ADPRHL1: variants seen among roughly 807,000 people sequenced by gnomAD.
ADPRHL1 encodes the protein ADP-ribosylhydrolase like 1, also known as inactive ADP-ribosyltransferase ARH2.
Under a neutral mutation model 44.1 loss-of-function variants are expected in ADPRHL1, and 43 were observed. That is an observed-to-expected ratio of 0.98 (90% CI 0.76 to 1.26). The LOEUF is 1.26. ADPRHL1 is among the 50% of genes most tolerant of loss of function. The probability of loss-of-function intolerance (pLI) is 0.00; values close to 1 mark genes in which losing one functional copy is unlikely to be tolerated. For missense variants in ADPRHL1, 2,022 were observed against 2,496.9 expected (o/e 0.81, Z 4.05); for synonymous variants, 878 against 1,017.4 (o/e 0.86, Z 2.61).
chr13:113,411,891 C>T (rs1241578926), intron 7 of ADPRHL1, among the ~76,000 whole-genome samples: 1 of 152,220 alleles, frequency 6.6e-6, no homozygotes, highest in Non-Finnish European at 1.5e-5. Context: ...CTCCCCTGCT[C>T]CCTGCTGTCC....
intron 7 of ADPRHL1, 148 bp downstream of exon 7, chr13:113,422,678 T>C (rs2043933935): frequency 5.2e-6 from 5 of 969,416 alleles, no homozygotes; most frequent in Non-Finnish European, 7.6e-6. Context: ...GATTCTGAAA[T>C]TGGAAACAGA....
chr13:113,438,003 G>A (rs1388326549), intron 2 of ADPRHL1, among the ~76,000 whole-genome samples: 1 of 152,114 alleles, frequency 6.6e-6, no homozygotes, highest in East Asian at 1.9e-4. Context: ...GCTAGTTTTT[G>A]TATTTTTAGC....
At chr13:113,438,775 C>G (rs370861744) in intron 2 of ADPRHL1, among the ~76,000 whole-genome samples, 16 of 152,154 alleles carry the variant, frequency 1.1e-4, no homozygotes, top group African/African-American at 3.9e-4. Context: ...CCTCCTGGCT[C>G]AGTCTTCCAA....
In ADPRHL1 at chr13:113,453,155, T is replaced by C; in HGVS notation, c.214+69A>G. On this transcript the variant is annotated intron_variant, in intron 1 of 7. Coordinates refer to ENST00000612156, the MANE Select transcript of ADPRHL1 (RefSeq NM_001394807.1). This position sits in a 1 kb window ranked among gnomAD's most constrained non-coding sequence, Gnocchi z 5.4. The stretch of plus-strand genomic sequence containing the variant: ...ACTGCCTTCAAAGCTCTCGGAGGCT[T>C]ACTGGGAGAACTCGAGCAGCCAGTG... 6.4e-7 allele frequency: 1 copy of C among 1,561,580 alleles called. No homozygotes were observed. Among genetic ancestry groups the C allele is most frequent in the Non-Finnish European group, 8.8e-7 (1 of 1,136,530 alleles).
At chr13:113,423,837 C>A (rs1218711842) in intron 6 of ADPRHL1, among the ~76,000 whole-genome samples, 1 of 152,258 alleles carries the variant, frequency 6.6e-6, no homozygotes, top group African/African-American at 2.4e-5. Flanking sequence ...TGGAATGGAA[C>A]CCTGTGAAGG....
chr13:113,449,635 C>T (rs1395844629), intron 1 of ADPRHL1, among the ~76,000 whole-genome samples: 1 of 152,264 alleles, frequency 6.6e-6, no homozygotes, highest in Non-Finnish European at 1.5e-5. Flanking sequence ...CCCCGACCCT[C>T]AGACCTGTGC....
At position 113,409,488 on chromosome 13, in the gene ADPRHL1, C is replaced by T. The variant is rs993743124; in HGVS notation, c.1062-1268G>A. ...GCATCCTCGATGTCCAACTCCAGGG[C>T]GGCCGCACAATGGCACGTCCACATT... On this transcript the variant is annotated intron_variant, in intron 7 of 7. Coordinates refer to ENST00000612156, the MANE Select transcript of ADPRHL1 (RefSeq NM_001394807.1). This position sits in a 1 kb window ranked among gnomAD's most constrained non-coding sequence, Gnocchi z 4.2. 3 of 985,296 alleles carry T rather than the reference C, an allele frequency of 3.0e-6. No homozygotes were observed. The highest frequency in any genetic ancestry group is 1.7e-5 in the African/African-American group (1 of 57,230). 61.0% of individuals were successfully genotyped at this position (985,296 alleles called of 1,614,324 possible).
chr13:113,442,047 C>T (rs1395704304), intron 2 of ADPRHL1, among the ~76,000 whole-genome samples: 2 of 152,274 alleles, frequency 1.3e-5, no homozygotes, highest in Admixed American at 1.3e-4. Flanking sequence ...GTCTGAGTGA[C>T]TTCCATTAGC....
Position 113,400,248 on chromosome 13 carries a change from C to T in ADPRHL1, c.*3130G>A, listed in dbSNP as rs2043748589. 1 of 149,340 alleles carries T rather than the reference C, an allele frequency of 6.7e-6. No individual in the cohort carries two copies. Among genetic ancestry groups the T allele is most frequent in the South Asian group, 2.1e-4 (1 of 4,688 alleles). The allele number at this position is 149,340 out of a possible 1,614,324, so 9.3% of individuals were successfully genotyped here. The stretch of plus-strand genomic sequence containing the variant: ...GCAAGCTCCACCTCCCGGGTTCACG[C>T]CATTCTCCTGTCTCAGGCTCCCGAG... On this transcript the variant is annotated 3_prime_UTR_variant, in exon 8 of 8. Coordinates refer to ENST00000612156, the MANE Select transcript of ADPRHL1 (RefSeq NM_001394807.1).
At chr13:113,425,202 G>C (rs777331226) in intron 4 of ADPRHL1, 23 bp from the exon 5 acceptor site, 6 of 1,413,894 alleles carry the variant, frequency 4.2e-6, no homozygotes, top group South Asian at 2.3e-5. Context: ...AACAAGGGGA[G>C]CTGAACACAA....
chr13:113,412,786 TCGGTTCACCCACCGCCAACAGCACCC>T (rs2043863686), intron 7 of ADPRHL1, among the ~76,000 whole-genome samples: 2 of 95,422 alleles, frequency 2.1e-5, no homozygotes, highest in African/African-American at 7.9e-5. Context: ...CCCGCAGAAC[TCGGTTCACCCACCGCCAACAGCACCC>T]CGCAGAACTC....
At position 113,424,096 on chromosome 13, in the gene ADPRHL1, G is replaced by A. The variant is rs567957103; in HGVS notation, c.907+121C>T. ...GGGTTCCAGAAAGGAAGAGATGGAC[G>A]CACATGCTGGAGCTCAGGAGGTGGC... On this transcript the variant is annotated intron_variant, in intron 6 of 7. Coordinates refer to ENST00000612156, the MANE Select transcript of ADPRHL1 (RefSeq NM_001394807.1). 3.2e-5 allele frequency: 43 copies of A among 1,339,302 alleles called. No individual in the cohort carries two copies. The African/African-American group carries it at 3.8e-4, about 12-fold the overall frequency. The allele number at this position is 1,339,302 out of a possible 1,614,324, so 83.0% of individuals were successfully genotyped here.
intron 7 of ADPRHL1, 127 bp from the exon 8 acceptor site, chr13:113,408,347 G>T: frequency 1.0e-6 from 1 of 990,162 alleles, no homozygotes; most frequent in Non-Finnish European, 1.3e-6. Context: ...GAGAAAAAGA[G>T]ATTAGGAGCC....
At chr13:113,415,644 A>C (rs188394524) in intron 7 of ADPRHL1, among the ~76,000 whole-genome samples, 45 of 151,536 alleles carry the variant, frequency 3.0e-4, no homozygotes, top group African/African-American at 9.7e-4. Flanking sequence ...CCAGCTACTC[A>C]GGAGGCTAAG....
rs561721261 is a variant in ADPRHL1 at position 113,427,872 on chromosome 13, C to A, written c.646+1080G>T. ...GTCCAGGCGGGTATCCGTGCCTGCA[C>A]CCCCGTGGAAAGCTGTGAACCAGAC... On this transcript the variant is annotated intron_variant, in intron 4 of 7. Coordinates refer to ENST00000612156, the MANE Select transcript of ADPRHL1 (RefSeq NM_001394807.1). 7.5e-4 allele frequency among the ~76,000 whole-genome samples: 101 copies of A among 133,972 alleles called. 1 individual carries two copies. The highest frequency in any genetic ancestry group is 4.3e-3 in the Admixed American group (52 of 12,134). 87.9% of individuals were successfully genotyped at this position (133,972 alleles called of 152,430 possible). A position where few individuals can be genotyped will look rare whatever the true frequency, so the allele number is the denominator to read the frequency against.
Position 113,400,144 on chromosome 13 carries a change from TC to T in ADPRHL1, c.*3233del. On this transcript the variant is annotated 3_prime_UTR_variant, in exon 8 of 8. Coordinates refer to ENST00000612156, the MANE Select transcript of ADPRHL1 (RefSeq NM_001394807.1). ...TATCCTGTTTTCTTTTCTTTTCTTT[TC>T]TTCTTTTTTTTTTTTTTTTTGACGG... is the stretch of plus-strand genomic sequence containing the variant. 7.2e-6 allele frequency: 1 copy of T among 139,292 alleles called. No individual in the cohort carries two copies. The highest frequency in any genetic ancestry group is 3.0e-5 in the African/African-American group (1 of 33,412). The allele number at this position is 139,292 out of a possible 1,614,324, so 8.6% of individuals were successfully genotyped here.
chr13:113,433,628 A>G, intron 3 of ADPRHL1, 114 bp downstream of exon 3: 1 of 1,473,840 alleles, frequency 6.8e-7, no homozygotes, highest in South Asian at 1.3e-5. Flanking sequence ...AGACGTGCAG[A>G]TGGCGGCAGC....
chr13:113,413,297 C>CT (rs2043869496), intron 7 of ADPRHL1, among the ~76,000 whole-genome samples: 1 of 152,280 alleles, frequency 6.6e-6, no homozygotes, highest in Admixed American at 6.5e-5. Flanking sequence ...AACAGCCTCG[C>CT]TGCCTCCCTG....
At position 113,414,736 on chromosome 13, in the gene ADPRHL1, C is replaced by T. The variant is rs1452089553; in HGVS notation, c.1062-6516G>A. Among the ~76,000 whole-genome samples, 6 of 150,924 alleles carry T rather than the reference C, an allele frequency of 4.0e-5. 1 individual carries two copies. Among genetic ancestry groups the T allele is most frequent in the Admixed American group, 6.6e-5 (1 of 15,160 alleles). On this transcript the variant is annotated intron_variant, in intron 7 of 7. Transcript: ENST00000612156. ...TGTCACTCAGGCTGGAGTGCAATGG[C>T]GTGATCTCGGCTCACTGCAAGCTCC... is the stretch of plus-strand genomic sequence containing the variant.
Sources: allele counts gnomAD v4.1 joint callset (sites outside exome capture counted in the v4.1 genomes callset), GRCh38; gene constraint gnomAD v4.1.1; non-coding constraint Gnocchi (gnomAD v3.1); transcripts MANE v1.5; gene names NCBI Gene and HGNC (gene_info 2026-07-23, HGNC 2026-07-21).